MLIP: variants seen among roughly 807,000 people sequenced by gnomAD.
The protein encoded by MLIP is muscular LMNA interacting protein, also known as muscular LMNA-interacting protein.
A neutral mutation model predicts 84.8 loss-of-function variants in MLIP; 79 were observed. That is an observed-to-expected ratio of 0.93 (90% confidence interval 0.78 to 1.12). MLIP has a LOEUF of 1.12. MLIP is among the 50% of genes most tolerant of loss of function. The probability of loss-of-function intolerance (pLI) is 0.00; values close to 1 mark genes in which losing one functional copy is unlikely to be tolerated. For missense variants in MLIP, 1,257 were observed against 1,160.6 expected (o/e 1.08, Z -1.21); for synonymous variants, 504 against 463.0 (o/e 1.09, Z -1.14).
At chr6:54,050,071 A>T (rs915059193) in intron 1 of MLIP, among the ~76,000 whole-genome samples, 24 of 152,142 alleles carry the variant, frequency 1.6e-4, no homozygotes, top group Admixed American at 1.0e-3. Flanking sequence ...GTTACAGAAA[A>T]AAAGAACATC....
rs1582529068 is a variant in MLIP, at chr6:54,216,209, A to G, written c.2718+13976A>G. 7 of 985,240 alleles carry G rather than the reference A, an allele frequency of 7.1e-6. No homozygotes were observed. The Middle Eastern group carries it at 2.6e-3, about 368-fold the overall frequency. The allele number at this position is 985,240 out of a possible 1,614,324, so 61.0% of individuals were successfully genotyped here. A position where few individuals can be genotyped will look rare whatever the true frequency, so the allele number is the denominator to read the frequency against. On this transcript the variant is annotated intron_variant, in intron 11 of 13. Transcript: ENST00000502396. Reference sequence around the variant, plus strand: ...CCTTTAGAATCACTTCAATTTTGGAAGAAAGAGGTTGATTTCCTGCTAAAG... The same window carrying G: ...CCTTTAGAATCACTTCAATTTTGGAGGAAAGAGGTTGATTTCCTGCTAAAG...
intron 1 of MLIP, among the ~76,000 whole-genome samples, chr6:54,053,071 A>G (rs539407885): frequency 2.6e-5 from 4 of 152,324 alleles, no homozygotes; most frequent in African/African-American, 9.6e-5. Flanking sequence ...CACTTATATT[A>G]GCCCCATTTT....
intron 5 of MLIP, among the ~76,000 whole-genome samples, chr6:54,154,541 C>G (rs1773817949): frequency 6.6e-6 from 1 of 152,044 alleles, no homozygotes; most frequent in African/African-American, 2.4e-5. Context: ...AAGTAAATTC[C>G]CTAAAGCATC....
chr6:54,191,597 A>T (rs1480664675), intron 10 of MLIP, among the ~76,000 whole-genome samples: 1 of 152,088 alleles, frequency 6.6e-6, no homozygotes, highest in African/African-American at 2.4e-5. Context: ...GGGAGTCTGG[A>T]TTTCAATTTC....
intron 1 of MLIP, chr6:54,083,414 A>G: frequency 6.9e-7 from 1 of 1,458,118 alleles, no homozygotes; most frequent in Non-Finnish European, 9.1e-7. Context: ...GGAAGCAGGG[A>G]GGAAGGAGGG....
At chr6:54,127,584 A>G (rs1456765687) in intron 3 of MLIP, among the ~76,000 whole-genome samples, 1 of 152,148 alleles carries the variant, frequency 6.6e-6, no homozygotes, top group Non-Finnish European at 1.5e-5. Context: ...AGCTATTTAG[A>G]TACATGTCTT....
chr6:54,103,261 A>C (rs570475532), intron 1 of MLIP, among the ~76,000 whole-genome samples: 3 of 152,186 alleles, frequency 2.0e-5, no homozygotes, highest in Non-Finnish European at 4.4e-5. Context: ...CAGACTTCTA[A>C]AATAACATAT....
intron 11 of MLIP, chr6:54,216,481 C>T (rs1328069707): frequency 1.0e-6 from 1 of 985,318 alleles, no homozygotes; most frequent in Non-Finnish European, 1.2e-6. Flanking sequence ...GAGTGTACCT[C>T]CATCAGATAC....
chr6:54,239,586 C>T (rs918490098), intron 12 of MLIP, among the ~76,000 whole-genome samples: 1 of 148,704 alleles, frequency 6.7e-6, no homozygotes, highest in Non-Finnish European at 1.5e-5. Flanking sequence ...GCCTGACCAA[C>T]ATCCAACGTG....
intron 12 of MLIP, among the ~76,000 whole-genome samples, chr6:54,246,367 A>G (rs1205919385): frequency 6.6e-6 from 1 of 152,066 alleles, no homozygotes; most frequent in East Asian, 1.9e-4. Context: ...CATTGATTTT[A>G]TTACCAGTAT....
chr6:54,187,703 C>T (rs1481248077), intron 9 of MLIP, among the ~76,000 whole-genome samples: 1 of 152,004 alleles, frequency 6.6e-6, no homozygotes, highest in Non-Finnish European at 1.5e-5. Flanking sequence ...TCAGAAGGCC[C>T]AAAATACAGT....
At chr6:54,238,473 C>G (rs1054756907) in intron 12 of MLIP, among the ~76,000 whole-genome samples, 1 of 152,152 alleles carries the variant, frequency 6.6e-6, no homozygotes, top group Admixed American at 6.5e-5. Context: ...CATTTTCTCC[C>G]TTTTATTTAG....
At chr6:54,130,989 T>C (rs1332354876) in intron 3 of MLIP, among the ~76,000 whole-genome samples, 2 of 152,066 alleles carry the variant, frequency 1.3e-5, no homozygotes, top group African/African-American at 4.8e-5. Flanking sequence ...TCAGAAAAGG[T>C]AAGCGATTCA....
intron 1 of MLIP, among the ~76,000 whole-genome samples, chr6:54,051,596 G>A (rs1765376670): frequency 2.6e-5 from 4 of 151,968 alleles, no homozygotes; most frequent in Admixed American, 2.0e-4. Context: ...TCTCTATATT[G>A]TAGACAATTT....
chr6:54,245,983 C>T (rs924159919), intron 12 of MLIP, among the ~76,000 whole-genome samples: 1 of 152,096 alleles, frequency 6.6e-6, no homozygotes, highest in Non-Finnish European at 1.5e-5. Flanking sequence ...TTTCAGATTG[C>T]TAAATTTGTT....
intron 12 of MLIP, among the ~76,000 whole-genome samples, chr6:54,249,952 C>G (rs566480662): frequency 6.6e-6 from 1 of 152,020 alleles, no homozygotes; most frequent in African/African-American, 2.4e-5. Flanking sequence ...ATCCTCCCAC[C>G]CTCCACCCTC....
At chr6:54,245,096 T>G (rs1161182118) in intron 12 of MLIP, among the ~76,000 whole-genome samples, 1 of 152,182 alleles carries the variant, frequency 6.6e-6, no homozygotes, top group Non-Finnish European at 1.5e-5. Context: ...CTTGTTCTGA[T>G]GGAGACACTA....
intron 10 of MLIP, among the ~76,000 whole-genome samples, chr6:54,199,694 A>G (rs1437386692): frequency 6.6e-6 from 1 of 152,158 alleles, no homozygotes; most frequent in Non-Finnish European, 1.5e-5. Context: ...TTATAGGATG[A>G]GAAGTATGAA....
intron 1 of MLIP, among the ~76,000 whole-genome samples, chr6:54,081,956 T>C (rs978789162): frequency 5.3e-5 from 8 of 152,192 alleles, no homozygotes; most frequent in Non-Finnish European, 1.0e-4. Flanking sequence ...TGAAACTTCT[T>C]GTGTAGCTCT....
Sources: gnomAD v4.1 joint callset for allele counts (sites outside exome capture counted in the v4.1 genomes callset) on GRCh38, gnomAD v4.1.1 for gene constraint, MANE v1.5 for transcripts, NCBI Gene and HGNC (gene_info 2026-07-23, HGNC 2026-07-21) for gene names.